WDR47: variants seen among roughly 807,000 people sequenced by gnomAD.
WDR47 encodes the protein WD repeat domain 47, also known as WD repeat-containing protein 47.
WDR47 carries 32 observed loss-of-function variants against 97.2 expected under a neutral mutation model. The observed-to-expected ratio is 0.33, with a 90% confidence interval of 0.25 to 0.44. The LOEUF is 0.44. Among genes scored for constraint, WDR47 ranks in the 20% least tolerant of loss-of-function variants. WDR47 has a pLI of 1.00. For missense variants in WDR47, 782 were observed against 1,102.3 expected (o/e 0.71, Z 4.11); for synonymous variants, 375 against 373.5 (o/e 1.00, Z -0.05).
intron 11 of WDR47, 97 bp from the exon 12 acceptor site, chr1:108,982,876 G>A (rs1314885901): frequency 3.1e-6 from 4 of 1,302,492 alleles, no homozygotes; most frequent in Non-Finnish European, 4.2e-6. Flanking sequence ...CAAGAATAAT[G>A]GTTTAGAAAT....
intron 3 of WDR47, 64 bp downstream of exon 3, chr1:109,017,454 T>G: frequency 7.4e-7 from 1 of 1,358,180 alleles, no homozygotes; most frequent in Admixed American, 2.0e-5. Context: ...TGAAAATTTT[T>G]GTTCATTGTT....
chr1:108,993,803 AC>A (rs1659547511), intron 8 of WDR47, among the ~76,000 whole-genome samples: 1 of 149,670 alleles, frequency 6.7e-6, no homozygotes, highest in East Asian at 2.2e-4. Context: ...CAAAGCACTT[AC>A]AGATAGTTTA....
chr1:108,977,530 A>G (rs1487060674), intron 13 of WDR47, among the ~76,000 whole-genome samples: 1 of 152,166 alleles, frequency 6.6e-6, no homozygotes, highest in Non-Finnish European at 1.5e-5. Context: ...TGTTTGGTGT[A>G]AGTTTGTCTT....
intron 2 of WDR47, among the ~76,000 whole-genome samples, chr1:109,021,854 ATTATTTAT>A (rs1268489940): frequency 6.6e-6 from 1 of 151,446 alleles, no homozygotes; most frequent in Non-Finnish European, 1.5e-5. Context: ...TATTTAATTT[ATTATTTAT>A]TTATTTATTT....
chr1:108,986,731 G>A, intron 9 of WDR47, 51 bp from the exon 10 acceptor site: 1 of 1,390,908 alleles, frequency 7.2e-7, no homozygotes, highest in African/African-American at 1.5e-5. Flanking sequence ...GAATTTGAAA[G>A]AATTCATCTT....
Position 109,011,694 on chromosome 1 carries a change from C to G in WDR47, c.352G>C (p.Val118Leu). 6.3e-7 allele frequency: 1 copy of G among 1,592,564 alleles called. No individual in the cohort carries two copies. The highest frequency in any genetic ancestry group is 8.6e-7 in the Non-Finnish European group (1 of 1,167,792). ...TCTTCTAGAGCATGTAAACATTGCA[C>G]AGCTTCTTGCATGGTAAATTCCAGC... ...QHLEFTMQEA[V>L]QCLHALEEYC... Residue 118 changes from valine to leucine, a missense_variant, in exon 5 of 15, where the codon GTG becomes CTG. By Grantham distance (32) the Val-to-Leu change is conservative (BLOSUM62 1). This residue lies in a region of WDR47 where 428 missense variants were observed against 584.3 expected (regional missense o/e 0.73). Coordinates refer to ENST00000369962, the MANE Select transcript of WDR47 (RefSeq NM_001142551.2).
intron 1 of WDR47, among the ~76,000 whole-genome samples, chr1:109,038,649 A>T (rs1201280432): frequency 6.6e-6 from 1 of 151,986 alleles, no homozygotes; most frequent in African/African-American, 2.4e-5. Context: ...ACTGTACTGC[A>T]GCCTGAACGA....
rs1250708364 is a variant in WDR47 at position 108,999,508 on chromosome 1, A to G, written c.1433+2716T>C. ...TGCCTGAGCTCAGGAGTTCAAGATC[A>G]GTCTAGGCAACATGGTGAAACTTCA... On this transcript the variant is annotated intron_variant, in intron 7 of 14. Transcript: ENST00000369962. Among the ~76,000 whole-genome samples, 15 of 151,966 alleles carry G rather than the reference A, an allele frequency of 9.9e-5. 1 individual carries two copies. The highest frequency in any genetic ancestry group is 3.4e-4 in the African/African-American group (14 of 41,466).
intron 12 of WDR47, among the ~76,000 whole-genome samples, 174 bp downstream of exon 12, chr1:108,982,435 G>C (rs1208503536): frequency 6.6e-6 from 1 of 152,042 alleles, no homozygotes; most frequent in African/African-American, 2.4e-5. Flanking sequence ...CAGGAGGCTG[G>C]GTGGGAGGAT....
At chr1:109,017,382 G>A (rs1661494592) in intron 3 of WDR47, 136 bp downstream of exon 3, 1 of 714,772 alleles carries the variant, frequency 1.4e-6, no homozygotes. Flanking sequence ...CAGCTTGGGT[G>A]ACAGAGAGAG....
At chr1:108,973,820 G>A (rs1318731853) in intron 14 of WDR47, among the ~76,000 whole-genome samples, 1 of 152,044 alleles carries the variant, frequency 6.6e-6, no homozygotes, top group Non-Finnish European at 1.5e-5. Flanking sequence ...GAGGTCAAGG[G>A]TGTAGTGAGC....
Position 108,982,702 on chromosome 1 carries a change from C to A in WDR47, c.2173G>T (p.Ala725Ser). The change falls in exon 12 of 15, where the codon GCT becomes TCT. Residue 725 changes from alanine to serine, a missense_variant. By Grantham distance (99) the Ala-to-Ser change is moderately conservative. Coordinates refer to ENST00000369962, the MANE Select transcript of WDR47 (RefSeq NM_001142551.2). Reference sequence around the variant, plus strand: ...CCTGCTCCAGCACTTATTAAAATAGCTCCTCCGCTTTCTGGGCCTTCCATA... The same window carrying A: ...CCTGCTCCAGCACTTATTAAAATAGATCCTCCGCTTTCTGGGCCTTCCATA... ...AFMEGPESGG[A>S]ILISAGAGDC... The A allele has an allele frequency of 6.2e-7, 1 of 1,614,050 alleles. No individual in the cohort carries two copies. Among genetic ancestry groups the A allele is most frequent in the Non-Finnish European group, 8.5e-7 (1 of 1,180,016 alleles).
In WDR47 at chr1:109,035,357, G is replaced by C. The variant is rs531285401; in HGVS notation, c.-10+6505C>G. Among the ~76,000 whole-genome samples the C allele has an allele frequency of 9.2e-5, 14 of 151,914 alleles. No homozygotes were observed. The South Asian group carries it at 1.7e-3, about 18-fold the overall frequency. On this transcript the variant is annotated intron_variant, in intron 1 of 14. Transcript: ENST00000369962. ...GGCATGGGATTGGGATGGAGGGCAG[G>C]GATCTAGGAGAAGAAAAGGGTTGAA...
chr1:108,980,547 G>A (rs2101808271), intron 13 of WDR47, among the ~76,000 whole-genome samples: 1 of 152,074 alleles, frequency 6.6e-6, no homozygotes, highest in East Asian at 1.9e-4. Context: ...TGGCCAATAT[G>A]GTGAAACCCA....
chr1:108,984,092 A>T (rs1658573334), intron 10 of WDR47, among the ~76,000 whole-genome samples: 1 of 152,146 alleles, frequency 6.6e-6, no homozygotes, highest in East Asian at 1.9e-4. Context: ...CAATGGAAAG[A>T]GTCTGTGGGG....
At chr1:108,979,388 G>C (rs1224987069) in intron 13 of WDR47, among the ~76,000 whole-genome samples, 2 of 152,170 alleles carry the variant, frequency 1.3e-5, no homozygotes, top group Admixed American at 1.3e-4. Flanking sequence ...GGGCTGGGCA[G>C]GGTGGTGTGT....
chr1:109,011,850 T>C lies in WDR47; in HGVS notation c.328-132A>G, dbSNP rs1661055857. 1.2e-5 allele frequency: 10 copies of C among 812,946 alleles called. No homozygotes were observed. In the East Asian group the frequency reaches 2.7e-4, roughly 22 times the overall value. 50.4% of individuals were successfully genotyped at this position (812,946 alleles called of 1,614,324 possible). ...TATAATTTGTAGGATATGCAACAGC[T>C]TTCAAGATAGGAACATAATGTTTTC... is the stretch of plus-strand genomic sequence containing the variant. On this transcript the variant is annotated intron_variant, in intron 4 of 14. Coordinates refer to ENST00000369962, the MANE Select transcript of WDR47 (RefSeq NM_001142551.2).
intron 4 of WDR47, 49 bp downstream of exon 4, chr1:109,013,792 T>C (rs372313799): frequency 1.6e-5 from 25 of 1,584,996 alleles, no homozygotes; most frequent in East Asian, 2.2e-5. Context: ...AAAATACTTA[T>C]GACTGAAAAC....
intron 7 of WDR47, among the ~76,000 whole-genome samples, chr1:109,001,594 TAAG>T (rs1317460682): frequency 1.3e-5 from 2 of 151,892 alleles, no homozygotes; most frequent in African/African-American, 4.8e-5. Flanking sequence ...TTAGAAGAAA[TAAG>T]AAGTAGATAA....
Sources: allele counts gnomAD v4.1 joint callset (sites outside exome capture counted in the v4.1 genomes callset), GRCh38; gene constraint gnomAD v4.1.1; regional missense constraint gnomAD v4.1.1; transcripts MANE v1.5; gene names NCBI Gene and HGNC (gene_info 2026-07-23, HGNC 2026-07-21).